MICAL2: variants seen among roughly 807,000 people sequenced by gnomAD.
The protein encoded by MICAL2 is [F-actin]-monooxygenase MICAL2.
In MICAL2, 77 loss-of-function variants were observed where a neutral mutation model predicts 127.3. The observed-to-expected ratio is 0.60, with a 90% confidence interval of 0.50 to 0.73. MICAL2 has a LOEUF of 0.73. MICAL2 is among the 30% of genes least tolerant of loss of function. MICAL2 has a pLI of 0.00. For missense variants in MICAL2, 1,351 were observed against 1,434.4 expected (o/e 0.94, Z 0.94); for synonymous variants, 570 against 551.1 (o/e 1.03, Z -0.48).
chr11:12,290,438 G>A (rs765545134), downstream of MICAL2, among the ~76,000 whole-genome samples: 13 of 152,272 alleles, frequency 8.5e-5, no homozygotes, highest in South Asian at 1.9e-3. Flanking sequence ...GAGCTGAGGG[G>A]ACTTGAGGCA....
intron 1 of MICAL2, among the ~76,000 whole-genome samples, chr11:12,114,050 G>A (rs1287543838): frequency 6.6e-6 from 1 of 152,178 alleles, no homozygotes; most frequent in Admixed American, 6.5e-5. Flanking sequence ...ATGTATTGCA[G>A]TCCTCTCTCA....
intron 32 of MICAL2, among the ~76,000 whole-genome samples, chr11:12,335,836 A>G (rs1429018545): frequency 1.3e-5 from 2 of 152,194 alleles, no homozygotes; most frequent in African/African-American, 4.8e-5. Flanking sequence ...TACCAGTACC[A>G]TGCTGTTTTG....
chr11:12,296,024 A>C (rs1226966814), downstream of MICAL2, among the ~76,000 whole-genome samples: 1 of 152,120 alleles, frequency 6.6e-6, no homozygotes, highest in Non-Finnish European at 1.5e-5. Flanking sequence ...TTAAATTCTA[A>C]AATTAATATA....
At chr11:12,187,562 G>A (rs767209581) in intron 3 of MICAL2, among the ~76,000 whole-genome samples, 5 of 152,158 alleles carry the variant, frequency 3.3e-5, no homozygotes, top group East Asian at 1.9e-4. Context: ...CCCAGGCAGC[G>A]GCCTCAGCTT....
At chr11:12,111,563 A>G (rs942496066) in intron 1 of MICAL2, among the ~76,000 whole-genome samples, 5 of 152,226 alleles carry the variant, frequency 3.3e-5, no homozygotes. Context: ...TGGAAACCAG[A>G]GTAGTGTGCC....
At chr11:12,230,717 C>CCG (rs373602110) in intron 15 of MICAL2, among the ~76,000 whole-genome samples, 51 of 151,362 alleles carry the variant, frequency 3.4e-4, no homozygotes, top group African/African-American at 1.2e-3. Flanking sequence ...TCTTCTTTCC[C>CCG]CCCCCATCTT....
At chr11:12,223,243 C>T (rs1857030095) in intron 11 of MICAL2, among the ~76,000 whole-genome samples, 168 bp from the exon 12 acceptor site, 1 of 152,178 alleles carries the variant, frequency 6.6e-6, no homozygotes, top group Admixed American at 6.5e-5. Context: ...GATTGAGGCC[C>T]ATTGCTCTAT....
chr11:12,126,832 G>T (rs1325654301), intron 1 of MICAL2, among the ~76,000 whole-genome samples: 1 of 152,184 alleles, frequency 6.6e-6, no homozygotes, highest in African/African-American at 2.4e-5. Context: ...TGGGTGTGGG[G>T]AGTGTTTTCT....
At chr11:12,358,403 G>A (rs763336651) in exon 35 of MICAL2, 42 of 1,614,006 alleles carry the variant, frequency 2.6e-5, no homozygotes, top group East Asian at 8.9e-5. Context: ...GAGGAACAAC[G>A]CATCAGAGAA....
At chr11:12,294,784 C>T (rs1863959391), downstream of MICAL2, 7 of 1,599,926 alleles carry the variant, frequency 4.4e-6, no homozygotes, top group East Asian at 1.6e-4. Context: ...AAAGCACCTC[C>T]CTGCGCCAGG....
chr11:12,268,719 G>A (rs1047514961), downstream of MICAL2, among the ~76,000 whole-genome samples: 4 of 152,180 alleles, frequency 2.6e-5, no homozygotes, highest in East Asian at 1.9e-4. Flanking sequence ...GGCCGGGCGC[G>A]GTCGCTCACG....
chr11:12,272,273 A>G (rs1385244895), upstream of MICAL2, among the ~76,000 whole-genome samples: 1 of 152,030 alleles, frequency 6.6e-6, no homozygotes, highest in Admixed American at 6.6e-5. Context: ...CTCTCCCCTC[A>G]TCCCCAAGCC....
intron 4 of MICAL2, 140 bp from the exon 5 acceptor site, chr11:12,207,883 A>C: frequency 1.5e-6 from 1 of 679,412 alleles, no homozygotes; most frequent in East Asian, 2.5e-5. Flanking sequence ...CTCTTGGTGC[A>C]TAATCCCGCT....
At chr11:12,292,277 G>A (rs756589312), downstream of MICAL2, 30 of 1,614,004 alleles carry the variant, frequency 1.9e-5, no homozygotes, top group Non-Finnish European at 2.3e-5. Flanking sequence ...GAATGCTCCA[G>A]ATGGTTCCTC....
chr11:12,307,181 T>C (rs1602972), intron 29 of MICAL2, among the ~76,000 whole-genome samples: 2 of 152,002 alleles, frequency 1.3e-5, no homozygotes, highest in Non-Finnish European at 2.9e-5. Context: ...TAATTTGCAT[T>C]TCCCTAGTGA....
downstream of MICAL2, chr11:12,292,069 T>C (rs1051369277): frequency 8.0e-6 from 12 of 1,506,534 alleles, no homozygotes; most frequent in Admixed American, 2.2e-4. Context: ...AATTGGAGCT[T>C]CACTTAAAGC....
chr11:12,309,759 A>G (rs532771142), intron 29 of MICAL2, among the ~76,000 whole-genome samples: 54 of 152,258 alleles, frequency 3.5e-4, no homozygotes, highest in Non-Finnish European at 6.8e-4. Context: ...ACTGTTTGTC[A>G]TAATGGTTTT....
chr11:12,311,704 C>A (rs1864176634), intron 29 of MICAL2, among the ~76,000 whole-genome samples: 2 of 152,212 alleles, frequency 1.3e-5, no homozygotes, highest in Non-Finnish European at 2.9e-5. Context: ...CCATGCCTGG[C>A]CAAATTTTTC....
Position 12,162,317 on chromosome 11 carries a change from G to A in MICAL2, c.162G>A (p.Lys54=). Residue 54 remains lysine, a synonymous_variant, in exon 3 of 28, where the codon AAG becomes AAA. Transcript: ENST00000683283. The part of the protein sequence containing the change: ...LDHRNFYSKL[K]SKVTTWKAKA... The stretch of plus-strand genomic sequence containing the variant: ...ACAGAAACTTTTATTCCAAGCTCAA[G>A]TCCAAGGTGACCACCTGGAAAGCCA... 6.2e-7 allele frequency: 1 copy of A among 1,614,236 alleles called. No individual in the cohort carries two copies. Among genetic ancestry groups the A allele is most frequent in the South Asian group, 1.1e-5 (1 of 91,082 alleles).
Sources: gnomAD v4.1 joint callset for allele counts (sites outside exome capture counted in the v4.1 genomes callset) on GRCh38, gnomAD v4.1.1 for gene constraint, MANE v1.5 for transcripts, NCBI Gene and HGNC (gene_info 2026-07-23, HGNC 2026-07-21) for gene names.